The following FGGY variants were observed in gnomAD, a reference collection of about 807,000 sequenced individuals.
FGGY encodes the protein FGGY carbohydrate kinase domain containing.
FGGY carries 72 observed loss-of-function variants against 71.3 expected under a neutral mutation model. The observed-to-expected ratio is 1.01, with a 90% CI of 0.84 to 1.23. The LOEUF is 1.23. Ranked by LOEUF, FGGY falls within the 50% of genes most tolerant of loss-of-function variation. The probability of loss-of-function intolerance (pLI) is 0.00; values close to 1 mark genes in which losing one functional copy is unlikely to be tolerated. For missense variants in FGGY, 668 were observed against 682.3 expected (o/e 0.98, Z 0.23); for synonymous variants, 251 against 250.3 (o/e 1.00, Z -0.02).
At chr1:59,408,917 A>G (rs1381013329) in intron 5 of FGGY, among the ~76,000 whole-genome samples, 1 of 152,200 alleles carries the variant, frequency 6.6e-6, no homozygotes, top group African/African-American at 2.4e-5. Context: ...TTCGCGAACT[A>G]GAGATCTATG....
chr1:59,692,442 A>G (rs2097598260), intron 14 of FGGY, among the ~76,000 whole-genome samples: 1 of 152,218 alleles, frequency 6.6e-6, no homozygotes, highest in South Asian at 2.1e-4. Context: ...CTTGTTCATG[A>G]TTGGAGAGCT....
chr1:59,458,751 C>T (rs2091937716), intron 6 of FGGY, among the ~76,000 whole-genome samples: 1 of 152,172 alleles, frequency 6.6e-6, no homozygotes, highest in South Asian at 2.1e-4. Context: ...TGAATTAGAA[C>T]TTACCCATTT....
intron 11 of FGGY, among the ~76,000 whole-genome samples, chr1:59,653,338 G>T (rs922159693): frequency 2.6e-5 from 4 of 152,180 alleles, no homozygotes; most frequent in Non-Finnish European, 5.9e-5. Context: ...AATGGCGGGC[G>T]CCCCTCCCCC....
At chr1:59,425,716 C>G (rs748193128) in intron 5 of FGGY, among the ~76,000 whole-genome samples, 1 of 152,174 alleles carries the variant, frequency 6.6e-6, no homozygotes, top group African/African-American at 2.4e-5. Context: ...TTTTTTCCAG[C>G]CACCTCTGTT....
At chr1:59,367,867 C>A (rs983700535) in intron 4 of FGGY, among the ~76,000 whole-genome samples, 4 of 152,138 alleles carry the variant, frequency 2.6e-5, no homozygotes, top group African/African-American at 9.7e-5. Flanking sequence ...GTAGCCTCCT[C>A]CCAACAAATG....
At chr1:59,742,439 G>C (rs938461527) in intron 14 of FGGY, among the ~76,000 whole-genome samples, 10 of 152,190 alleles carry the variant, frequency 6.6e-5, no homozygotes, top group African/African-American at 2.2e-4. Flanking sequence ...CCCTCCCGCT[G>C]TTCTGAATGT....
chr1:59,454,347 G>A (rs2091476630), intron 5 of FGGY, among the ~76,000 whole-genome samples: 1 of 152,178 alleles, frequency 6.6e-6, no homozygotes, highest in South Asian at 2.1e-4. Flanking sequence ...GATGTCATAT[G>A]CCAGGAGGAG....
At chr1:59,723,563 T>TTTTTTTTTTTG (rs1553431126) in intron 14 of FGGY, among the ~76,000 whole-genome samples, 1 of 128,914 alleles carries the variant, frequency 7.8e-6, no homozygotes, top group Non-Finnish European at 1.7e-5. Context: ...TGTTTTTTTT[T>TTTTTTTTTTTG]GGGGGGGGGT....
chr1:59,344,568 A>G (rs1477672734), intron 3 of FGGY, among the ~76,000 whole-genome samples: 1 of 152,204 alleles, frequency 6.6e-6, no homozygotes, highest in Non-Finnish European at 1.5e-5. Flanking sequence ...AACAAACAGT[A>G]TACAATCCTT....
chr1:59,538,940 G>C (rs868131039), intron 7 of FGGY, among the ~76,000 whole-genome samples: 1 of 151,898 alleles, frequency 6.6e-6, no homozygotes, highest in Non-Finnish European at 1.5e-5. Context: ...GCACGTATAT[G>C]CATATGTAAC....
chr1:59,749,018 C>T (rs934686283), intron 14 of FGGY, among the ~76,000 whole-genome samples: 1 of 152,084 alleles, frequency 6.6e-6, no homozygotes, highest in Non-Finnish European at 1.5e-5. Flanking sequence ...AGTAATGAAA[C>T]CTTCATAAAA....
At chr1:59,580,846 A>G (rs1203295652) in intron 8 of FGGY, among the ~76,000 whole-genome samples, 1 of 152,154 alleles carries the variant, frequency 6.6e-6, no homozygotes, top group Non-Finnish European at 1.5e-5. Flanking sequence ...CTTTCACTTA[A>G]TAGTTTAGAG....
At chr1:59,336,800 A>G (rs2049633274) in intron 2 of FGGY, among the ~76,000 whole-genome samples, 1 of 152,020 alleles carries the variant, frequency 6.6e-6, no homozygotes, top group Non-Finnish European at 1.5e-5. Flanking sequence ...GTTAATTTGA[A>G]GAGATTACCA....
At chr1:59,707,637 T>G (rs1006178196) in intron 14 of FGGY, among the ~76,000 whole-genome samples, 3 of 152,218 alleles carry the variant, frequency 2.0e-5, no homozygotes, top group Non-Finnish European at 4.4e-5. Context: ...GCCCACTGTA[T>G]TCCTTCTGTT....
At chr1:59,607,333 C>T (rs533938788) in intron 8 of FGGY, among the ~76,000 whole-genome samples, 5 of 152,338 alleles carry the variant, frequency 3.3e-5, no homozygotes, top group African/African-American at 1.2e-4. Context: ...AGAACAGAAG[C>T]ACACAGCCCT....
chr1:59,726,072 G>A (rs2097944310), intron 14 of FGGY, among the ~76,000 whole-genome samples: 2 of 151,878 alleles, frequency 1.3e-5, no homozygotes, highest in South Asian at 4.1e-4. Context: ...TCTTTATCGA[G>A]GTGAGGAAAA....
chr1:59,535,800 A>T (rs1233336007), intron 7 of FGGY, among the ~76,000 whole-genome samples: 1 of 149,526 alleles, frequency 6.7e-6, no homozygotes, highest in African/African-American at 2.5e-5. Flanking sequence ...CAAAGACACA[A>T]CATACCAGAA....
chr1:59,647,879 C>A (rs1431234104), intron 11 of FGGY, among the ~76,000 whole-genome samples: 1 of 118,106 alleles, frequency 8.5e-6, no homozygotes, highest in South Asian at 3.5e-4. Flanking sequence ...GGTATATCTC[C>A]CAATGCTATC....
intron 14 of FGGY, among the ~76,000 whole-genome samples, chr1:59,713,729 A>G (rs1218232278): frequency 1.3e-5 from 2 of 152,220 alleles, no homozygotes; most frequent in African/African-American, 4.8e-5. Flanking sequence ...TTATTGGTCC[A>G]AAGTTTGAGA....
Sources: gnomAD v4.1 joint callset for allele counts (sites outside exome capture counted in the v4.1 genomes callset) on GRCh38, gnomAD v4.1.1 for gene constraint, MANE v1.5 for transcripts, NCBI Gene and HGNC (gene_info 2026-07-23, HGNC 2026-07-21) for gene names.